SENP3: variants seen among roughly 807,000 people sequenced by gnomAD.
The protein encoded by SENP3 is sentrin-specific protease 3.
SENP3 carries 11 observed loss-of-function variants against 66.2 expected under a neutral mutation model. That is an observed-to-expected ratio of 0.17 (90% CI 0.10 to 0.28). The LOEUF (loss-of-function observed/expected upper bound fraction) is 0.28. Ranked by LOEUF, SENP3 falls within the 10% of genes least tolerant of loss-of-function variation. SENP3 has a pLI of 1.00. For synonymous variants in SENP3, 292 were observed against 277.6 expected, an observed-to-expected ratio of 1.05 and a Z score of -0.52; for missense variants, 548 against 743.7, an observed-to-expected ratio of 0.74 and a Z score of 3.06.
chr17:7,566,589 C>T (rs1051257400), intron 6 of SENP3, among the ~76,000 whole-genome samples: 1 of 151,624 alleles, frequency 6.6e-6, no homozygotes, highest in African/African-American at 2.4e-5. Flanking sequence ...TCGCTTGAAC[C>T]CGGGAGGCGG....
At position 7,570,564 on chromosome 17, in the gene SENP3, G is replaced by A. The variant is rs1450157511; in HGVS notation, c.1479+71G>A. ...GTGGCAAGGCATTGCAGGAAGAAGG[G>A]TGGGCTTTGGGTCTTTGAGGGGCGA... On this transcript the variant is annotated intron_variant, in intron 8 of 10. Transcript: ENST00000321337. This position sits in a 1 kb window ranked among gnomAD's most constrained non-coding sequence, Gnocchi z 5.4. The A allele has an allele frequency of 8.2e-5, 129 of 1,577,194 alleles. No individual in the cohort carries two copies. The highest frequency in any genetic ancestry group is 2.4e-4 in the South Asian group (21 of 87,908).
rs1288956492 is a variant in SENP3 at position 7,570,843 on chromosome 17, A to C, written c.1564-40A>C. 1 of 1,607,722 alleles carries C rather than the reference A, an allele frequency of 6.2e-7. No individual in the cohort carries two copies. The highest frequency in any genetic ancestry group is 1.7e-5 in the Admixed American group (1 of 58,950). ...CAGAAATTGAAGTCCTACCCCTGGG[A>C]GTCTCCATGTGAAGGGCCTGCTTTC... On this transcript the variant is annotated intron_variant, in intron 9 of 10. Transcript: ENST00000321337. This position sits in a 1 kb window ranked among gnomAD's most constrained non-coding sequence, Gnocchi z 5.4.
rs971459535 is a variant in SENP3, at chr17:7,562,031, C to CGGAGGT, written c.-228_-223dup. 27 of 399,968 alleles carry CGGAGGT rather than the reference C, an allele frequency of 6.8e-5. No individual in the cohort carries two copies. Among genetic ancestry groups the CGGAGGT allele is most frequent in the South Asian group, 3.5e-4 (3 of 8,472 alleles). 24.8% of individuals were successfully genotyped at this position (399,968 alleles called of 1,614,324 possible). ...GCGGTGGCGCTGGTGGCGGCGGTGG[C>CGGAGGT]GGAGGTGGAGGTGGAGGTGGAAGCT... On this transcript the variant is annotated 5_prime_UTR_variant, in exon 1 of 11. Transcript: ENST00000321337. The surrounding 1 kb of genome is among the most constrained non-coding windows in gnomAD (Gnocchi z 5.0).
chr17:7,568,722 T>C (rs1005921346), intron 7 of SENP3, among the ~76,000 whole-genome samples: 1 of 152,210 alleles, frequency 6.6e-6, no homozygotes, highest in Non-Finnish European at 1.5e-5. Flanking sequence ...CTGTACTCTT[T>C]GTACTACCCT....
intron 4 of SENP3, 111 bp from the exon 5 acceptor site, chr17:7,565,329 T>G: frequency 7.5e-7 from 1 of 1,339,898 alleles, no homozygotes; most frequent in Non-Finnish European, 1.0e-6. Flanking sequence ...GGACCCATCA[T>G]GAGCCAGAAA....
Position 7,564,731 on chromosome 17 carries a change from C to T in SENP3, c.822C>T (p.Cys274=). Residue 274 remains cysteine, a synonymous_variant, in exon 3 of 11, where the codon TGC becomes TGT. Transcript: ENST00000321337. ...CCAGCATCCTCATCAGCAATGTGTG[C>T]AGCATCGGGGACCATGTGGCCCAGG... The part of the protein sequence containing the change: ...PDASILISNV[C]SIGDHVAQEL... 1.9e-6 allele frequency: 3 copies of T among 1,614,060 alleles called. No individual in the cohort carries two copies. The highest frequency in any genetic ancestry group is 2.5e-6 in the Non-Finnish European group (3 of 1,179,908).
chr17:7,564,516 G>T, intron 2 of SENP3, 109 bp from the exon 3 acceptor site: 1 of 1,468,040 alleles, frequency 6.8e-7, no homozygotes, highest in Non-Finnish European at 9.3e-7. Context: ...TTCTGCTTCA[G>T]TGTATCCTTC....
At chr17:7,567,078 C>T in intron 7 of SENP3, 74 bp downstream of exon 7, 1 of 965,336 alleles carries the variant, frequency 1.0e-6, no homozygotes, top group South Asian at 1.4e-5. Context: ...TCTCTGAGCC[C>T]TTTCCCTGAC....
chr17:7,571,008 C>A (rs1864375460), intron 10 of SENP3, 75 bp downstream of exon 10: 2 of 1,310,004 alleles, frequency 1.5e-6, no homozygotes, highest in South Asian at 2.6e-5. Flanking sequence ...TGTTATGCAT[C>A]CCCTCATTTG....
chr17:7,562,146 C>T lies in SENP3; in HGVS notation c.-129C>T. On this transcript the variant is annotated 5_prime_UTR_variant, in exon 1 of 11. Transcript: ENST00000321337. This position sits in a 1 kb window ranked among gnomAD's most constrained non-coding sequence, Gnocchi z 5.0. The stretch of plus-strand genomic sequence containing the variant: ...GCGTTGGAATCCTGAATTGAGACGG[C>T]TGCGCCTAAAGACAGCAGGAGTGGC... The T allele has an allele frequency of 2.5e-6, 1 of 398,248 alleles. No homozygotes were observed. The highest frequency in any genetic ancestry group is 3.6e-5 in the East Asian group (1 of 28,002). 24.7% of individuals were successfully genotyped at this position (398,248 alleles called of 1,614,324 possible).
chr17:7,571,681 C>T lies in SENP3; in HGVS notation c.*198C>T. 1 of 480,770 alleles carries T rather than the reference C, an allele frequency of 2.1e-6. No individual in the cohort carries two copies. The highest frequency in any genetic ancestry group is 3.8e-6 in the Non-Finnish European group (1 of 265,814). 29.8% of individuals were successfully genotyped at this position (480,770 alleles called of 1,614,324 possible). A position where few individuals can be genotyped will look rare whatever the true frequency, so the allele number is the denominator to read the frequency against. The stretch of plus-strand genomic sequence containing the variant: ...ATTTCTGATGTGCAGGGGGTGGCTA[C>T]AGAAAAGCCCCTTTCTTCCTCTGTT... On this transcript the variant is annotated 3_prime_UTR_variant, in exon 11 of 11. Transcript: ENST00000321337.
Position 7,571,891 on chromosome 17 carries a change from ATAT to A in SENP3, c.*409_*411del, listed in dbSNP as rs2071326149. 4 of 13,806 alleles carry A rather than the reference ATAT, an allele frequency of 2.9e-4. No homozygotes were observed. Among genetic ancestry groups the A allele is most frequent in the African/African-American group, 7.2e-4 (3 of 4,150 alleles). 0.9% of individuals were successfully genotyped at this position (13,806 alleles called of 1,614,324 possible). Reference sequence around the variant, plus strand: ...TATATATATATATATATATATATATATATATATATATATATATAAAAATATATA... The same window carrying A: ...TATATATATATATATATATATATATAATATATATATATATAAAAATATATA... On this transcript the variant is annotated 3_prime_UTR_variant, in exon 11 of 11. Coordinates refer to ENST00000321337, the MANE Select transcript of SENP3 (RefSeq NM_015670.6).
In SENP3 at chr17:7,563,291, C is replaced by A; in HGVS notation, c.215C>A (p.Ala72Asp). 1 of 1,553,288 alleles carries A rather than the reference C, an allele frequency of 6.4e-7. No individual in the cohort carries two copies. The highest frequency in any genetic ancestry group is 8.7e-7 in the Non-Finnish European group (1 of 1,147,878). The part of the protein sequence containing the change: ...RLPVPRPSFD[A>D]SASEEEEEEE... ...CCTGTCCCCCGACCCTCTTTTGATG[C>A]CTCAGCAAGTGAAGAGGAGGAAGAA... The change falls in exon 2 of 11, where the codon GCC becomes GAC. Residue 72 changes from alanine (A) to aspartate (D), a missense_variant. Transcript: ENST00000321337.
chr17:7,563,454 C>A lies in SENP3; in HGVS notation c.378C>A (p.Arg126=). 1.9e-6 allele frequency: 3 copies of A among 1,550,322 alleles called. No individual in the cohort carries two copies. Among genetic ancestry groups the A allele is most frequent in the Non-Finnish European group, 2.6e-6 (3 of 1,146,864 alleles). The part of the protein sequence containing the change: ...PTHRKTCSQR[R]RRAMRAFRML... ...ATCGAAAAACCTGCTCACAGCGCCG[C>A]CGCCGAGCCATGAGAGCCTTCCGGA... is the stretch of plus-strand genomic sequence containing the variant. Residue 126 remains arginine, a synonymous_variant, in exon 2 of 11, where the codon CGC becomes CGA. Transcript: ENST00000321337.
At position 7,568,536 on chromosome 17, in the gene SENP3, C is replaced by T. The variant is rs1178980121; in HGVS notation, c.1341+1532C>T. Among the ~76,000 whole-genome samples, 4 of 152,086 alleles carry T rather than the reference C, an allele frequency of 2.6e-5. No homozygotes were observed. In the East Asian group the frequency reaches 7.7e-4, roughly 29 times the overall value. ...CCCGGGAGGCAGAGGTTGCAGTGAG[C>T]CGAGATTGTGCCACTGCACTCCACC... On this transcript the variant is annotated intron_variant, in intron 7 of 10. Transcript: ENST00000321337.
At position 7,570,231 on chromosome 17, in the gene SENP3, A is replaced by T; in HGVS notation, c.1342-125A>T. ...CAGATCCTGAGCTTGCCCACAATCT[A>T]GGCCTTGGGTCTTCTGTTCTTTCAC... On this transcript the variant is annotated intron_variant, in intron 7 of 10. Coordinates refer to ENST00000321337, the MANE Select transcript of SENP3 (RefSeq NM_015670.6). The surrounding 1 kb of genome is among the most constrained non-coding windows in gnomAD (Gnocchi z 5.4). 8.3e-7 allele frequency: 1 copy of T among 1,201,554 alleles called. No homozygotes were observed. The highest frequency in any genetic ancestry group is 1.2e-6 in the Non-Finnish European group (1 of 850,304). The allele number at this position is 1,201,554 out of a possible 1,614,324, so 74.4% of individuals were successfully genotyped here.
At chr17:7,566,904 G>A in intron 6 of SENP3, 23 bp from the exon 7 acceptor site, 1 of 1,522,028 alleles carries the variant, frequency 6.6e-7, no homozygotes, top group East Asian at 2.4e-5. Context: ...ATTCCATTGA[G>A]CTTTTTTGTG....
Position 7,564,805 on chromosome 17 carries a change from C to CT in SENP3, c.897dup (p.Gly300TrpfsTer38). The CT allele has an allele frequency of 6.2e-7, 1 of 1,613,788 alleles. No homozygotes were observed. The highest frequency in any genetic ancestry group is 8.5e-7 in the Non-Finnish European group (1 of 1,179,796). On this transcript the variant is annotated frameshift_variant, in exon 3 of 11. Coordinates refer to ENST00000321337, the MANE Select transcript of SENP3 (RefSeq NM_015670.6). LOFTEE classifies it high-confidence loss of function. ...GGCATGGCAGAAGAGGCAGAGAGGC[C>CT]TGGGGAGAAAGCCGGCCAGCACAGC... is the stretch of plus-strand genomic sequence containing the variant.
At chr17:7,564,227 C>T (rs2071249222) in intron 2 of SENP3, 1 of 398,590 alleles carries the variant, frequency 2.5e-6, no homozygotes, top group African/African-American at 2.1e-5. Context: ...AGAATATTTC[C>T]CTTTCGGAGA....
Sources: gnomAD v4.1 joint callset for allele counts (sites outside exome capture counted in the v4.1 genomes callset) on GRCh38, gnomAD v4.1.1 for gene constraint, Gnocchi (gnomAD v3.1) non-coding constraint, MANE v1.5 for transcripts, NCBI Gene and HGNC (gene_info 2026-07-23, HGNC 2026-07-21) for gene names.